SPCS2: variants seen among roughly 807,000 people sequenced by gnomAD.
SPCS2 encodes the protein signal peptidase complex subunit 2.
A neutral mutation model predicts 22.3 loss-of-function variants in SPCS2; 3 were observed. The ratio of observed to expected loss-of-function variants is 0.13; its 90% CI spans 0.06 to 0.35. SPCS2 has a LOEUF of 0.35. SPCS2 is among the 10% of genes least tolerant of loss of function. The pLI, the probability that SPCS2 is intolerant of heterozygous loss-of-function variation, is 1.00. For synonymous variants in SPCS2, 67 were observed against 97.2 expected (o/e 0.69, Z 1.83); for missense variants, 169 against 280.9 (o/e 0.60, Z 2.85).
intron 4 of SPCS2, 124 bp from the exon 5 acceptor site, chr11:74,976,733 T>C (rs546821958): frequency 2.4e-4 from 288 of 1,207,006 alleles, no homozygotes; most frequent in Non-Finnish European, 3.2e-4. Flanking sequence ...TTAAAGGATG[T>C]GTTTGTTCCC....
At chr11:74,954,297 A>T (rs1206469971) in intron 1 of SPCS2, among the ~76,000 whole-genome samples, 1 of 152,242 alleles carries the variant, frequency 6.6e-6, no homozygotes, top group Non-Finnish European at 1.5e-5. Flanking sequence ...CTTGCCCAAG[A>T]CCACACAGTG....
chr11:74,955,851 A>AAAATATATATATAT (rs1488259033), intron 1 of SPCS2, among the ~76,000 whole-genome samples: 3 of 55,602 alleles, frequency 5.4e-5, no homozygotes, highest in African/African-American at 1.4e-4. Flanking sequence ...TACTAATTAA[A>AAAATATATATATAT]ATATATATAT....
chr11:74,952,161 G>A (rs988584053), intron 1 of SPCS2, among the ~76,000 whole-genome samples: 28 of 152,130 alleles, frequency 1.8e-4, no homozygotes, highest in African/African-American at 5.8e-4. Context: ...TAATAAGGCC[G>A]TATACACAGT....
At chr11:74,968,488 AT>A (rs201991991) in intron 3 of SPCS2, among the ~76,000 whole-genome samples, 2 of 138,856 alleles carry the variant, frequency 1.4e-5, no homozygotes, top group African/African-American at 2.7e-5. Flanking sequence ...CATCCAGCTA[AT>A]TTTTTTTTGG....
At chr11:74,971,482 T>C (rs1335213417) in intron 4 of SPCS2, among the ~76,000 whole-genome samples, 1 of 152,200 alleles carries the variant, frequency 6.6e-6, no homozygotes, top group East Asian at 1.9e-4. Context: ...GGGTTCTGAT[T>C]TTTTTCACGT....
rs1250718952 is a variant in SPCS2, at chr11:74,978,697, T to G, written c.*1654T>G. 1 of 152,242 alleles carries G rather than the reference T, an allele frequency of 6.6e-6. No individual in the cohort carries two copies. Among genetic ancestry groups the G allele is most frequent in the Admixed American group, 6.5e-5 (1 of 15,290 alleles). 9.4% of individuals were successfully genotyped at this position (152,242 alleles called of 1,614,324 possible). A position where few individuals can be genotyped will look rare whatever the true frequency, so the allele number is the denominator to read the frequency against. On this transcript the variant is annotated 3_prime_UTR_variant, in exon 5 of 5. Transcript: ENST00000263672. ...TAGTTATACTGCATTGGTTTTTTAA[T>G]TTATATTTTTTGTTATTTTTTAAAA...
chr11:74,952,562 C>A (rs1482614296), intron 1 of SPCS2, among the ~76,000 whole-genome samples: 1 of 152,008 alleles, frequency 6.6e-6, no homozygotes, highest in African/African-American at 2.4e-5. Context: ...AGTGATCTGC[C>A]CACCTCAGCC....
intron 1 of SPCS2, among the ~76,000 whole-genome samples, chr11:74,955,722 CTTAT>C (rs1948473744): frequency 1.3e-5 from 2 of 150,970 alleles, no homozygotes; most frequent in African/African-American, 2.4e-5. Context: ...ATTTTAGAAA[CTTAT>C]TTTTGTCTTT....
At chr11:74,968,519 T>C (rs1256200730) in intron 3 of SPCS2, among the ~76,000 whole-genome samples, 1 of 117,946 alleles carries the variant, frequency 8.5e-6, no homozygotes, top group Non-Finnish European at 1.6e-5. Context: ...GTTTTTTTTG[T>C]TTTTTTTTTT....
At chr11:74,960,259 G>A (rs563347522) in intron 1 of SPCS2, among the ~76,000 whole-genome samples, 3 of 152,370 alleles carry the variant, frequency 2.0e-5, no homozygotes, top group African/African-American at 7.2e-5. Flanking sequence ...TTGAACCCAG[G>A]AGGCGGAGGT....
Position 74,953,236 on chromosome 11 carries a change from A to C in SPCS2, c.114+3837A>C, listed in dbSNP as rs573275891. 4.7e-5 allele frequency among the ~76,000 whole-genome samples: 7 copies of C among 150,362 alleles called. No individual in the cohort carries two copies. In the East Asian group the frequency reaches 1.4e-3, roughly 29 times the overall value. The stretch of plus-strand genomic sequence containing the variant: ...AATATAATTTTTTTTTTTTTTTGAG[A>C]CAGAGTCTCGATTTGTCGCAATCTC... On this transcript the variant is annotated intron_variant, in intron 1 of 4. Coordinates refer to ENST00000263672, the MANE Select transcript of SPCS2 (RefSeq NM_014752.3).
At chr11:74,963,196 G>T (rs1044229055) in intron 1 of SPCS2, among the ~76,000 whole-genome samples, 1 of 152,026 alleles carries the variant, frequency 6.6e-6, no homozygotes, top group Non-Finnish European at 1.5e-5. Flanking sequence ...ATTTCTTTTT[G>T]GTTCAGTTTG....
At chr11:74,967,515 C>G (rs1017773216) in intron 3 of SPCS2, among the ~76,000 whole-genome samples, 50 of 152,234 alleles carry the variant, frequency 3.3e-4, no homozygotes, top group African/African-American at 1.1e-3. Context: ...TTTGAGAGGC[C>G]AAGGCGGGCG....
At chr11:74,969,132 C>T (rs1005417953) in intron 3 of SPCS2, among the ~76,000 whole-genome samples, 2 of 152,234 alleles carry the variant, frequency 1.3e-5, no homozygotes, top group Non-Finnish European at 2.9e-5. Context: ...GACATACTCT[C>T]TTATAGTAAA....
chr11:74,959,053 A>G (rs572780936), intron 1 of SPCS2, among the ~76,000 whole-genome samples: 1 of 152,278 alleles, frequency 6.6e-6, no homozygotes, highest in East Asian at 1.9e-4. Context: ...ATCTCCTACT[A>G]CTTTCCCCCT....
At position 74,978,159 on chromosome 11, in the gene SPCS2, C is replaced by T. The variant is rs1948626695; in HGVS notation, c.*1116C>T. 6.6e-6 allele frequency: 1 copy of T among 152,212 alleles called. No individual in the cohort carries two copies. The highest frequency in any genetic ancestry group is 6.5e-5 in the Admixed American group (1 of 15,288). 9.4% of individuals were successfully genotyped at this position (152,212 alleles called of 1,614,324 possible). A position where few individuals can be genotyped will look rare whatever the true frequency, so the allele number is the denominator to read the frequency against. The stretch of plus-strand genomic sequence containing the variant: ...ATTTTCCCAGTATGGTCAGAGAAGA[C>T]CTGGGTGCTTGCCAAGATCCTTTGA... On this transcript the variant is annotated 3_prime_UTR_variant, in exon 5 of 5. Coordinates refer to ENST00000263672, the MANE Select transcript of SPCS2 (RefSeq NM_014752.3).
intron 4 of SPCS2, among the ~76,000 whole-genome samples, chr11:74,976,013 C>T (rs141284392): frequency 2.7e-4 from 41 of 152,258 alleles, no homozygotes; most frequent in African/African-American, 9.6e-4. Flanking sequence ...AAAGGAATCT[C>T]TGGAGTTCAT....
At chr11:74,949,687 C>G (rs776153251) in intron 1 of SPCS2, 112 of 481,554 alleles carry the variant, frequency 2.3e-4, no homozygotes, top group Non-Finnish European at 4.1e-4. Flanking sequence ...GTGTCCATCT[C>G]TTTTCTCCTG....
At position 74,958,605 on chromosome 11, in the gene SPCS2, A is replaced by G. The variant is rs147878265; in HGVS notation, c.115-6429A>G. 3.4e-3 allele frequency among the ~76,000 whole-genome samples: 524 copies of G among 152,282 alleles called. 7 individuals are homozygous for G. In the Middle Eastern group the frequency reaches 0.037, roughly 11 times the overall value. On this transcript the variant is annotated intron_variant, in intron 1 of 4. Transcript: ENST00000263672. ...TTATTATCTCCTTATTTTAGTTTAG[A>G]ACTCCACATATACAAATGGGTATTT...
Sources: gnomAD v4.1 joint callset for allele counts (sites outside exome capture counted in the v4.1 genomes callset) on GRCh38, gnomAD v4.1.1 for gene constraint, MANE v1.5 for transcripts, NCBI Gene and HGNC (gene_info 2026-07-23, HGNC 2026-07-21) for gene names.